Variants in CDH23 observed in about 807,000 individuals in gnomAD.
CDH23 encodes the protein cadherin-23.
A neutral mutation model predicts 317.1 loss-of-function variants in CDH23; 189 were observed. The observed-to-expected ratio is 0.60, with a 90% CI of 0.53 to 0.67. The LOEUF (loss-of-function observed/expected upper bound fraction) is 0.67. CDH23 is among the 30% of genes least tolerant of loss of function. The probability of loss-of-function intolerance (pLI) is 0.00; values close to 1 mark genes in which losing one functional copy is unlikely to be tolerated. For synonymous variants in CDH23, 1,839 were observed against 1,876.8 expected, an observed-to-expected ratio of 0.98 and a Z score of 0.52; for missense variants, 4,401 against 4,592.4, an observed-to-expected ratio of 0.96 and a Z score of 1.20.
rs775998990 is a variant in CDH23, at chr10:71,705,009, C to T, written c.2832C>T (p.Ser944=). The change falls in exon 25 of 70, where the codon AGC becomes AGT. Residue 944 remains serine, a synonymous_variant. Coordinates refer to ENST00000224721, the MANE Select transcript of CDH23 (RefSeq NM_022124.6). ...TGGACTTCCTCATCAACAGCAGCAG[C>T]GGCGTGGTGGTCACCACCACCGAGC... ...PRMDFLINSS[S]GVVVTTTELD... is the part of the protein sequence containing the mutation. 56 of 1,612,656 alleles carry T rather than the reference C, an allele frequency of 3.5e-5. No homozygotes were observed. In the East Asian group the frequency reaches 6.9e-4, roughly 20 times the overall value.
At chr10:71,617,159 T>C in intron 10 of CDH23, 46 bp from the exon 11 acceptor site, 1 of 1,577,290 alleles carries the variant, frequency 6.3e-7, no homozygotes, top group African/African-American at 1.3e-5. Flanking sequence ...GAGCTGTTGC[T>C]GTGATTAGCT....
rs3059687 is a variant in CDH23, at chr10:71,515,357, TTCTCTCTCTCTC to T, written c.429+4172_429+4183del. On this transcript the variant is annotated intron_variant, in intron 6 of 69. Coordinates refer to ENST00000224721, the MANE Select transcript of CDH23 (RefSeq NM_022124.6). Reference sequence around the variant, plus strand: ...TCAATGGCAATGGATACCTGTCTGTTTCTCTCTCTCTCTCTCTCTCTCTCTCTCTCTCTCTCT... The same window carrying T: ...TCAATGGCAATGGATACCTGTCTGTTTCTCTCTCTCTCTCTCTCTCTCTCT... Among the ~76,000 whole-genome samples the T allele has an allele frequency of 2.5e-4, 32 of 126,276 alleles. No individual in the cohort carries two copies. In the South Asian group the frequency reaches 5.8e-3, roughly 23 times the overall value. 82.8% of individuals were successfully genotyped at this position (126,276 alleles called of 152,430 possible). A position where few individuals can be genotyped will look rare whatever the true frequency, so the allele number is the denominator to read the frequency against.
intron 22 of CDH23, among the ~76,000 whole-genome samples, chr10:71,697,409 C>T (rs1203607942): frequency 3.3e-5 from 5 of 152,238 alleles, no homozygotes; most frequent in African/African-American, 1.2e-4. Flanking sequence ...TGGCTCACGC[C>T]TGTAATCTCA....
At chr10:71,567,698 G>A (rs1334108134) in intron 7 of CDH23, among the ~76,000 whole-genome samples, 1 of 152,208 alleles carries the variant, frequency 6.6e-6, no homozygotes, top group South Asian at 2.1e-4. Flanking sequence ...CTGTTTGGGA[G>A]ATCCTGGGGA....
intron 6 of CDH23, among the ~76,000 whole-genome samples, chr10:71,529,001 GTC>G (rs146976909): frequency 6.6e-6 from 1 of 151,134 alleles, no homozygotes; most frequent in Non-Finnish European, 1.5e-5. Context: ...CTATGGGAGG[GTC>G]TCTCTCTCTC....
intron 6 of CDH23, among the ~76,000 whole-genome samples, chr10:71,530,034 G>GACACACACACACACACACAC (rs57652121): frequency 1.3e-3 from 178 of 140,918 alleles, no homozygotes; most frequent in African/African-American, 3.4e-3. Flanking sequence ...CACACATACA[G>GACACACACACACACACACAC]ACACACACAC....
At chr10:71,622,838 A>T in intron 11 of CDH23, 1 of 614,378 alleles carries the variant, frequency 1.6e-6, no homozygotes, top group Non-Finnish European at 2.0e-6. Context: ...AGGGATTGGG[A>T]CACCACTCTC....
chr10:71,783,678 C>G (rs1278541093), intron 41 of CDH23, among the ~76,000 whole-genome samples: 2 of 152,218 alleles, frequency 1.3e-5, no homozygotes, highest in Non-Finnish European at 2.9e-5. Flanking sequence ...AAATCAGGGT[C>G]ACCACAGGTG....
intron 6 of CDH23, among the ~76,000 whole-genome samples, chr10:71,541,833 T>A (rs905549320): frequency 1.3e-5 from 2 of 152,398 alleles, no homozygotes; most frequent in African/African-American, 2.4e-5. Context: ...CGTGTTCCAA[T>A]ACAAGTTTAT....
intron 6 of CDH23, among the ~76,000 whole-genome samples, chr10:71,535,401 A>C (rs976056979): frequency 2.0e-5 from 3 of 152,164 alleles, no homozygotes; most frequent in African/African-American, 4.8e-5. Context: ...CTTCGGAACC[A>C]TGAGCACCAC....
chr10:71,617,151 G>A, intron 10 of CDH23, 54 bp from the exon 11 acceptor site: 1 of 1,561,574 alleles, frequency 6.4e-7, no homozygotes, highest in Non-Finnish European at 8.7e-7. Context: ...GTAAGCAAGA[G>A]CTGTTGCTGT....
At chr10:71,427,253 A>G (rs1849145407) in intron 1 of CDH23, among the ~76,000 whole-genome samples, 1 of 145,450 alleles carries the variant, frequency 6.9e-6, no homozygotes, top group Admixed American at 6.8e-5. Context: ...AAGGGAAAGA[A>G]AGAAAGAGAA....
At chr10:71,402,028 A>G (rs79772690) in intron 1 of CDH23, among the ~76,000 whole-genome samples, 9 of 152,342 alleles carry the variant, frequency 5.9e-5, no homozygotes, top group South Asian at 2.1e-4. Flanking sequence ...ACGTAGCCAC[A>G]TGGAGACAGT....
intron 3 of CDH23, among the ~76,000 whole-genome samples, chr10:71,502,919 C>A (rs1398796496): frequency 1.3e-5 from 2 of 152,236 alleles, no homozygotes; most frequent in African/African-American, 4.8e-5. Context: ...TGCTGCCCTG[C>A]CAGAGTTTCT....
chr10:71,597,179 G>T (rs1345941235), intron 9 of CDH23, among the ~76,000 whole-genome samples: 1 of 151,618 alleles, frequency 6.6e-6, no homozygotes, highest in Non-Finnish European at 1.5e-5. Context: ...CCAGGCCTGG[G>T]CAGGAACCGA....
At chr10:71,517,754 G>A (rs1053483697) in intron 6 of CDH23, among the ~76,000 whole-genome samples, 1 of 152,218 alleles carries the variant, frequency 6.6e-6, no homozygotes, top group African/African-American at 2.4e-5. Flanking sequence ...ATCTGGGAGA[G>A]GGAGACCAAT....
At chr10:71,535,519 G>A (rs926244113) in intron 6 of CDH23, among the ~76,000 whole-genome samples, 1 of 152,226 alleles carries the variant, frequency 6.6e-6, no homozygotes, top group African/African-American at 2.4e-5. Context: ...ATGCCTCATG[G>A]TGAGGCCACT....
chr10:71,473,957 C>T (rs537039063), intron 3 of CDH23, among the ~76,000 whole-genome samples: 3 of 152,334 alleles, frequency 2.0e-5, no homozygotes, highest in Non-Finnish European at 2.9e-5. Flanking sequence ...GAGCTGGCGC[C>T]GACGTCTTTA....
At chr10:71,663,139 G>T (rs140482446) in intron 14 of CDH23, among the ~76,000 whole-genome samples, 97 of 152,294 alleles carry the variant, frequency 6.4e-4, no homozygotes, top group African/African-American at 2.3e-3. Flanking sequence ...GGTCACATTT[G>T]TGGGTCCCAG....
Sources: gnomAD v4.1 joint callset for allele counts (sites outside exome capture counted in the v4.1 genomes callset) on GRCh38, gnomAD v4.1.1 for gene constraint, MANE v1.5 for transcripts, NCBI Gene and HGNC (gene_info 2026-07-23, HGNC 2026-07-21) for gene names.